The following RP1L1 variants were observed in gnomAD, a reference collection of about 807,000 sequenced individuals.
The protein encoded by RP1L1 is RP1 like 1, also known as retinitis pigmentosa 1-like 1 protein.
A neutral mutation model predicts 15.7 loss-of-function variants in RP1L1; 27 were observed. That is an observed-to-expected ratio of 1.72 (90% CI 1.27 to 2.38). The LOEUF (loss-of-function observed/expected upper bound fraction) is 2.38. Among genes scored for constraint, RP1L1 ranks in the 30% most tolerant of loss-of-function variants. The pLI, the probability that RP1L1 is intolerant of heterozygous loss-of-function variation, is 0.00. For missense variants in RP1L1, 4,798 were observed against 3,075.9 expected, an observed-to-expected ratio of 1.56 and a Z score of -13.24; for synonymous variants, 1,813 against 1,276.7, an observed-to-expected ratio of 1.42 and a Z score of -8.96.
rs2117207140 is a variant in RP1L1, at chr8:10,613,146, C to A, written c.952G>T (p.Asp318Tyr). The A allele has an allele frequency of 3.1e-6, 5 of 1,613,874 alleles. No individual in the cohort carries two copies. Among genetic ancestry groups the A allele is most frequent in the Non-Finnish European group, 3.4e-6 (4 of 1,180,024 alleles). ...TTCATCTCCACGGACAGGCTGCCGT[C>A]CTCATTCATGCGGACCTTCTTCTTC... ...DMKKKVRMNE[D>Y]GSLSVEMKVR... The change falls in exon 4 of 4, where the codon GAC (aspartate) becomes TAC (tyrosine). Residue 318 changes from aspartate (D) to tyrosine (Y), a missense_variant. By Grantham distance (160) the Asp-to-Tyr change is radical (BLOSUM62 -3). Coordinates refer to ENST00000382483, the MANE Select transcript of RP1L1 (RefSeq NM_178857.6).
rs1213979327 is a variant in RP1L1 at position 10,648,006 on chromosome 8, G to A, written c.-20+6892C>T. On this transcript the variant is annotated intron_variant, in intron 1 of 3. Coordinates refer to ENST00000382483, the MANE Select transcript of RP1L1 (RefSeq NM_178857.6). ...CTCCACATCCTCACTAGCATTTGTT[G>A]TTATTTTCTGGTTTCTCTCTCTCTC... is the stretch of plus-strand genomic sequence containing the variant. Among the ~76,000 whole-genome samples, 3 of 150,914 alleles carry A rather than the reference G, an allele frequency of 2.0e-5. No homozygotes were observed. The South Asian group carries it at 6.4e-4, about 32-fold the overall frequency.
In RP1L1 at chr8:10,606,434, A is replaced by C. The variant is rs7816990; in HGVS notation, c.*461T>G. ...TTCTGCAGAGTCATCAAATATATTC[A>C]AGACTAGAAAAAAAGCACCTCAAAG... On this transcript the variant is annotated 3_prime_UTR_variant, in exon 4 of 4. Coordinates refer to ENST00000382483, the MANE Select transcript of RP1L1 (RefSeq NM_178857.6). 0.66 allele frequency: 109,136 copies of C among 164,978 alleles called. 36,956 individuals carry two copies. Among genetic ancestry groups the C allele is most frequent in the Non-Finnish European group, 0.74 (55,804 of 75,672 alleles). 10.2% of individuals were successfully genotyped at this position (164,978 alleles called of 1,614,324 possible). A position where few individuals can be genotyped will look rare whatever the true frequency, so the allele number is the denominator to read the frequency against.
At chr8:10,634,070 A>G (rs1363584566) in intron 1 of RP1L1, among the ~76,000 whole-genome samples, 3 of 152,176 alleles carry the variant, frequency 2.0e-5, no homozygotes, top group African/African-American at 7.2e-5. Flanking sequence ...CAAGGCAGAT[A>G]GAGCTCAGAG....
chr8:10,610,571 G>A lies in RP1L1; in HGVS notation c.3527C>T (p.Thr1176Ile), dbSNP rs746306039. The A allele has an allele frequency of 1.9e-6, 3 of 1,613,550 alleles. No individual in the cohort carries two copies. The highest frequency in any genetic ancestry group is 2.5e-6 in the Non-Finnish European group (3 of 1,180,034). ...DQLDSGLWEL[T>I]WSQALPDLGS... ...AAGGTCTGGCAGAGCCTGGCTCCAT[G>A]TGAGCTCCCAGAGGCCTGAGTCCAG... Residue 1176 changes from threonine (T) to isoleucine (I), a missense_variant, in exon 4 of 4, where the codon ACA becomes ATA. Transcript: ENST00000382483.
chr8:10,611,719 C>A lies in RP1L1; in HGVS notation c.2379G>T (p.Gly793=), dbSNP rs760261369. 4.4e-5 allele frequency: 71 copies of A among 1,613,462 alleles called. No individual in the cohort carries two copies. The highest frequency in any genetic ancestry group is 3.3e-4 in the Middle Eastern group (2 of 6,084). Residue 793 remains glycine, a synonymous_variant, in exon 4 of 4, where the codon GGG becomes GGT. Coordinates refer to ENST00000382483, the MANE Select transcript of RP1L1 (RefSeq NM_178857.6). The part of the protein sequence containing the change: ...SCSKSGAASL[G]EEARDTPQPS... The stretch of plus-strand genomic sequence containing the variant: ...GCTGAGGCGTGTCCCTGGCCTCTTC[C>A]CCCAGGCTGGCAGCCCCAGATTTTG...
chr8:10,617,985 C>T (rs1797998264), intron 2 of RP1L1, among the ~76,000 whole-genome samples: 1 of 152,168 alleles, frequency 6.6e-6, no homozygotes, highest in Non-Finnish European at 1.5e-5. Context: ...GTTTATGTGG[C>T]ACATGCTAGT....
intron 1 of RP1L1, among the ~76,000 whole-genome samples, chr8:10,652,161 A>G (rs1176553858): frequency 6.6e-6 from 1 of 152,166 alleles, no homozygotes; most frequent in Admixed American, 6.5e-5. Flanking sequence ...GCTGTCTAAC[A>G]ACACACTTCT....
chr8:10,631,202 A>ACAC lies in RP1L1; in HGVS notation c.-19-7983_-19-7982insGTG, dbSNP rs1563135106. Among the ~76,000 whole-genome samples the ACAC allele has an allele frequency of 4.0e-5, 6 of 150,186 alleles. No individual in the cohort carries two copies. The South Asian group carries it at 1.3e-3, about 32-fold the overall frequency. ...TTGTCATGGCAACAGCACCTGCAAA[A>ACAC]ACACACACACACACACACACAAACG... On this transcript the variant is annotated intron_variant, in intron 1 of 3. Transcript: ENST00000382483.
At chr8:10,640,696 TATC>T (rs1396262493) in intron 1 of RP1L1, among the ~76,000 whole-genome samples, 16 of 151,562 alleles carry the variant, frequency 1.1e-4, no homozygotes, top group Admixed American at 2.0e-4. Flanking sequence ...TTATTATTAT[TATC>T]ATCATCTATA....
intron 1 of RP1L1, among the ~76,000 whole-genome samples, chr8:10,648,551 A>G (rs1171411673): frequency 6.6e-6 from 1 of 152,150 alleles, no homozygotes; most frequent in Admixed American, 6.5e-5. Context: ...TGCGTTTCCA[A>G]GCTTTTAAAA....
chr8:10,648,762 G>A (rs796868104), intron 1 of RP1L1, among the ~76,000 whole-genome samples: 5 of 152,162 alleles, frequency 3.3e-5, no homozygotes, highest in Admixed American at 1.3e-4. Flanking sequence ...TACAGTAATC[G>A]CTTTGGCTGG....
At position 10,610,131 on chromosome 8, in the gene RP1L1, C is replaced by T. The variant is rs1177249754; in HGVS notation, c.3967G>A (p.Glu1323Lys). The T allele has an allele frequency of 2.7e-6, 4 of 1,493,664 alleles. 1 individual carries two copies. Among genetic ancestry groups the T allele is most frequent in the Non-Finnish European group, 2.7e-6 (3 of 1,110,376 alleles). 92.5% of individuals were successfully genotyped at this position (1,493,664 alleles called of 1,614,324 possible). Residue 1323 changes from glutamate (E) to lysine (K), a missense_variant, in exon 4 of 4, where the codon GAG becomes AAG. Coordinates refer to ENST00000382483, the MANE Select transcript of RP1L1 (RefSeq NM_178857.6). ...EGLQEEAVQL[E>K]ETKTEEGLQE... is the part of the protein sequence containing the mutation. ...AGCCCTTCTTCTGTTTTAGTTTCCT[C>T]TAACTGCACCGCCTCTTCTTGCAGC...
chr8:10,608,228 T>C lies in RP1L1; in HGVS notation c.5870A>G (p.Glu1957Gly). 1 of 1,565,932 alleles carries C rather than the reference T, an allele frequency of 6.4e-7. No homozygotes were observed. Among genetic ancestry groups the C allele is most frequent in the Non-Finnish European group, 8.7e-7 (1 of 1,153,526 alleles). The change falls in exon 4 of 4, where the codon GAG becomes GGG. Residue 1957 changes from glutamate (E) to glycine (G), a missense_variant. Coordinates refer to ENST00000382483, the MANE Select transcript of RP1L1 (RefSeq NM_178857.6). ...CTCCTGGGACTCTATAACTTCTGAC[T>C]CTGGCTGGGTCTGCCCTTCTGCCTC... ...AQEAEGQTQP[E>G]SEVIESQEAE...
Position 10,607,927 on chromosome 8 carries a change from G to C in RP1L1, c.6171C>G (p.Ala2057=). The C allele has an allele frequency of 6.2e-7, 1 of 1,606,844 alleles. No homozygotes were observed. The highest frequency in any genetic ancestry group is 8.5e-7 in the Non-Finnish European group (1 of 1,178,514). ...DAQPESDGVE[A]PEAEEEAQEA... Reference sequence around the variant, plus strand: ...CCTGTGCCTCCTCTTCTGCCTCCGGGGCCTCTACACCGTCTGACTCTGGCT... The same window carrying C: ...CCTGTGCCTCCTCTTCTGCCTCCGGCGCCTCTACACCGTCTGACTCTGGCT... The change falls in exon 4 of 4, where the codon GCC becomes GCG. Residue 2057 remains alanine (A), a synonymous_variant. Transcript: ENST00000382483.
At position 10,612,901 on chromosome 8, in the gene RP1L1, C is replaced by T. The variant is rs778797754; in HGVS notation, c.1197G>A (p.Gly399=). 5.6e-6 allele frequency: 9 copies of T among 1,613,034 alleles called. No individual in the cohort carries two copies. Among genetic ancestry groups the T allele is most frequent in the East Asian group, 2.2e-5 (1 of 44,870 alleles). ...AGATTTCATACTTGGGCCCTGGCTG[C>T]CCGCCTCGGCCAAAGACTTCCCTGC... The part of the protein sequence containing the change: ...VGCREVFGRG[G]QPGPKYEIWT... Residue 399 remains glycine (G), a synonymous_variant, in exon 4 of 4, where the codon GGG becomes GGA. Coordinates refer to ENST00000382483, the MANE Select transcript of RP1L1 (RefSeq NM_178857.6).
intron 1 of RP1L1, among the ~76,000 whole-genome samples, chr8:10,625,427 C>A (rs1307563326): frequency 6.6e-6 from 1 of 151,380 alleles, no homozygotes; most frequent in African/African-American, 2.4e-5. Context: ...GAAGAGGGGG[C>A]CAGGCTGGAG....
At position 10,608,882 on chromosome 8, in the gene RP1L1, C is replaced by T. The variant is rs761451502; in HGVS notation, c.5216G>A (p.Gly1739Glu). ...GLGPGLSQGP[G>E]VDEGEDGEGS... ...CTCGCCATCCTCACCCTCGTCCACT[C>T]CAGGCCCCTGGCTCAGCCCCGGCCC... Residue 1739 changes from glycine to glutamate, a missense_variant, in exon 4 of 4, where the codon GGA (glycine) becomes GAA (glutamate). By Grantham distance (98) the Gly-to-Glu change is moderately conservative (BLOSUM62 -2). Coordinates refer to ENST00000382483, the MANE Select transcript of RP1L1 (RefSeq NM_178857.6). The T allele has an allele frequency of 6.2e-7, 1 of 1,614,024 alleles. No homozygotes were observed. The highest frequency in any genetic ancestry group is 2.2e-5 in the East Asian group (1 of 44,860).
chr8:10,623,219 C>G lies in RP1L1; in HGVS notation c.-18G>C. On this transcript the variant is annotated splice_region_variant and 5_prime_UTR_variant, in exon 2 of 4. Coordinates refer to ENST00000382483, the MANE Select transcript of RP1L1 (RefSeq NM_178857.6). The stretch of plus-strand genomic sequence containing the variant: ...CTGTTCATGGTGTGGGGGCTCTGGC[C>G]GCTGTAACAGGGCAGAGGAAGAGGG... 1 of 1,532,310 alleles carries G rather than the reference C, an allele frequency of 6.5e-7. No homozygotes were observed. Among genetic ancestry groups the G allele is most frequent in the Non-Finnish European group, 8.8e-7 (1 of 1,142,134 alleles). The allele number at this position is 1,532,310 out of a possible 1,614,324, so 94.9% of individuals were successfully genotyped here. A position where few individuals can be genotyped will look rare whatever the true frequency, so the allele number is the denominator to read the frequency against.
At position 10,607,471 on chromosome 8, in the gene RP1L1, T is replaced by C; in HGVS notation, c.6627A>G (p.Leu2209=). The C allele has an allele frequency of 6.2e-7, 1 of 1,611,376 alleles. No individual in the cohort carries two copies. Among genetic ancestry groups the C allele is most frequent in the Non-Finnish European group, 8.5e-7 (1 of 1,178,262 alleles). The change falls in exon 4 of 4, where the codon TTA becomes TTG. Residue 2209 remains leucine, a synonymous_variant. Transcript: ENST00000382483. ...CAGCCTCCGGGGCCTCTACACCTTC[T>C]AACTCTGGTTGGGCCTCCCCTTCTG... The part of the protein sequence containing the change: ...PEAEGEAQPE[L]EGVEAPEAEE...
Sources: gnomAD v4.1 joint callset for allele counts (sites outside exome capture counted in the v4.1 genomes callset) on GRCh38, gnomAD v4.1.1 for gene constraint, MANE v1.5 for transcripts, NCBI Gene and HGNC (gene_info 2026-07-23, HGNC 2026-07-21) for gene names.